ARMH3: variants seen among roughly 807,000 people sequenced by gnomAD.
ARMH3 encodes the protein armadillo-like helical domain-containing protein 3.
A neutral mutation model predicts 99.1 loss-of-function variants in ARMH3; 60 were observed. The observed-to-expected ratio is 0.61, with a 90% CI of 0.49 to 0.75. The LOEUF (loss-of-function observed/expected upper bound fraction) is 0.75, where lower values mean the gene tolerates loss of function less well. Among genes scored for constraint, ARMH3 ranks in the 30% least tolerant of loss-of-function variants. The probability of loss-of-function intolerance (pLI) is 0.00; values close to 1 mark genes in which losing one functional copy is unlikely to be tolerated. For synonymous variants in ARMH3, 285 were observed against 292.8 expected (o/e 0.97, Z 0.27); for missense variants, 679 against 843.1 (o/e 0.81, Z 2.41).
At chr10:101,880,826 C>A (rs1274870644) in intron 24 of ARMH3, among the ~76,000 whole-genome samples, 1 of 152,174 alleles carries the variant, frequency 6.6e-6, no homozygotes, top group Admixed American at 6.5e-5. Context: ...CCACCCAGGG[C>A]CCCTAACAAT....
intron 2 of ARMH3, among the ~76,000 whole-genome samples, chr10:102,036,486 T>C (rs1019307200): frequency 6.6e-6 from 1 of 152,164 alleles, no homozygotes; most frequent in African/African-American, 2.4e-5. Context: ...TGTGTCTGTG[T>C]AGAAAGTAGA....
chr10:101,927,769 C>CA (rs1843566040), intron 23 of ARMH3, among the ~76,000 whole-genome samples: 1 of 152,020 alleles, frequency 6.6e-6, no homozygotes, highest in Non-Finnish European at 1.5e-5. Context: ...CCTGTCACTA[C>CA]AAAAAGAAAA....
intron 15 of ARMH3, among the ~76,000 whole-genome samples, chr10:102,001,558 C>G (rs1275477315): frequency 6.6e-6 from 1 of 152,232 alleles, no homozygotes; most frequent in Admixed American, 6.5e-5. Flanking sequence ...AATCTCACCT[C>G]TTCCTACTGT....
chr10:101,947,282 G>C (rs1226116246), intron 22 of ARMH3, among the ~76,000 whole-genome samples: 1 of 151,976 alleles, frequency 6.6e-6, no homozygotes, highest in Non-Finnish European at 1.5e-5. Flanking sequence ...AAACCATGGA[G>C]GCCAGAAAAA....
chr10:102,048,762 T>C (rs960724063), intron 1 of ARMH3, among the ~76,000 whole-genome samples: 2 of 152,126 alleles, frequency 1.3e-5, no homozygotes, highest in Non-Finnish European at 2.9e-5. Context: ...AATAGTCCCC[T>C]ACCCTGACTT....
intron 24 of ARMH3, among the ~76,000 whole-genome samples, chr10:101,858,675 G>A (rs1435863771): frequency 6.6e-6 from 1 of 152,170 alleles, no homozygotes; most frequent in Admixed American, 6.5e-5. Flanking sequence ...ATTTCCTGTG[G>A]AGGAAAGAAT....
At chr10:101,998,949 A>T (rs748987032) in intron 15 of ARMH3, among the ~76,000 whole-genome samples, 2 of 152,194 alleles carry the variant, frequency 1.3e-5, no homozygotes, top group African/African-American at 4.8e-5. Context: ...AGGAATCTGA[A>T]GTTCATCTGT....
At chr10:101,909,003 T>C (rs1842759744) in intron 23 of ARMH3, among the ~76,000 whole-genome samples, 1 of 152,076 alleles carries the variant, frequency 6.6e-6, no homozygotes. Context: ...GTTTCTAGTT[T>C]TAAAAAGTAA....
intron 24 of ARMH3, among the ~76,000 whole-genome samples, chr10:101,884,935 G>A (rs923845115): frequency 5.9e-5 from 9 of 152,082 alleles, no homozygotes; most frequent in African/African-American, 2.2e-4. Flanking sequence ...TTAACATCCA[G>A]AATATATAAA....
intron 23 of ARMH3, among the ~76,000 whole-genome samples, chr10:101,899,677 T>C (rs903494121): frequency 1.3e-5 from 2 of 152,204 alleles, no homozygotes; most frequent in African/African-American, 2.4e-5. Context: ...GAATACCTTC[T>C]AACCTTTTCA....
rs77460124 is a variant in ARMH3 at position 101,888,734 on chromosome 10, G to A, written c.1860+678C>T. Among the ~76,000 whole-genome samples the A allele has an allele frequency of 2.2e-3, 338 of 152,300 alleles. 1 individual carries two copies. Among genetic ancestry groups the A allele is most frequent in the Middle Eastern group, 0.014 (4 of 294 alleles). ...ATGTGAATAGGATGTCTTATTTAGT[G>A]CTTTTTAAAAAAGGACTCAAGAGTT... On this transcript the variant is annotated intron_variant, in intron 24 of 25. Coordinates refer to ENST00000370033, the MANE Select transcript of ARMH3 (RefSeq NM_024541.3).
intron 4 of ARMH3, among the ~76,000 whole-genome samples, chr10:102,030,609 C>A (rs1396811044): frequency 6.6e-6 from 1 of 152,074 alleles, no homozygotes; most frequent in Non-Finnish European, 1.5e-5. Context: ...ATTCAGCAGG[C>A]TGAGGCAGGA....
chr10:102,010,093 CT>C, intron 11 of ARMH3, 70 bp from the exon 12 acceptor site: 2 of 1,455,604 alleles, frequency 1.4e-6, no homozygotes, highest in Non-Finnish European at 1.9e-6. Context: ...CCTAGGAAGC[CT>C]TTTATCAGTG....
intron 23 of ARMH3, among the ~76,000 whole-genome samples, chr10:101,896,702 G>A (rs2067845245): frequency 6.6e-6 from 1 of 152,190 alleles, no homozygotes; most frequent in Non-Finnish European, 1.5e-5. Flanking sequence ...CTTTTCTAAA[G>A]CTTGCATATG....
intron 22 of ARMH3, among the ~76,000 whole-genome samples, chr10:101,949,311 G>A (rs552016620): frequency 1.3e-4 from 19 of 150,214 alleles, no homozygotes; most frequent in African/African-American, 1.7e-4. Context: ...CTGAGGAGGG[G>A]AAATCAATAA....
intron 23 of ARMH3, 111 bp downstream of exon 23, chr10:101,939,752 A>T: frequency 3.5e-6 from 3 of 857,414 alleles, no homozygotes; most frequent in Non-Finnish European, 5.4e-6. Context: ...CCACTCCTAC[A>T]GACATCAAGG....
intron 23 of ARMH3, among the ~76,000 whole-genome samples, chr10:101,920,341 C>G (rs1460408163): frequency 6.6e-6 from 1 of 152,136 alleles, no homozygotes; most frequent in Non-Finnish European, 1.5e-5. Flanking sequence ...ACAGTTTGTC[C>G]AGAGAATTCT....
chr10:101,864,105 A>G (rs1564699438), intron 24 of ARMH3, among the ~76,000 whole-genome samples: 1 of 151,430 alleles, frequency 6.6e-6, no homozygotes, highest in Non-Finnish European at 1.5e-5. Flanking sequence ...ACACACACAC[A>G]CAAAAACCAG....
At position 101,849,839 on chromosome 10, in the gene ARMH3, A is replaced by T. The variant is rs2066546855; in HGVS notation, c.1914T>A (p.Asp638Glu). 1.9e-6 allele frequency: 3 copies of T among 1,614,172 alleles called. No homozygotes were observed. The highest frequency in any genetic ancestry group is 2.5e-6 in the Non-Finnish European group (3 of 1,180,030). Reference protein sequence around the residue: ...NYDTLTLKLQDGLDQYERYSE... With the variant: ...NYDTLTLKLQEGLDQYERYSE... The stretch of plus-strand genomic sequence containing the variant: ...AGTAGCGCTCATACTGGTCCAGGCC[A>T]TCCTGCAGCTTCAGCGTGAGCGTGT... Residue 638 changes from aspartate (D) to glutamate (E), a missense_variant, in exon 25 of 26, where the codon GAT becomes GAA. Around this residue, in one of 3 missense-constraint regions of ARMH3, gnomAD observed 389 missense variants for 456.5 expected, o/e 0.85. Coordinates refer to ENST00000370033, the MANE Select transcript of ARMH3 (RefSeq NM_024541.3).
Sources: allele counts gnomAD v4.1 joint callset (sites outside exome capture counted in the v4.1 genomes callset), GRCh38; gene constraint gnomAD v4.1.1; regional missense constraint gnomAD v4.1.1; transcripts MANE v1.5; gene names NCBI Gene and HGNC (gene_info 2026-07-23, HGNC 2026-07-21).